The following KALRN variants were observed in gnomAD, a reference collection of about 807,000 sequenced individuals.
The protein encoded by KALRN is kalirin RhoGEF kinase.
Under a neutral mutation model 353.7 loss-of-function variants are expected in KALRN, and 70 were observed. The ratio of observed to expected loss-of-function variants is 0.20; its 90% CI spans 0.16 to 0.24. KALRN has a LOEUF of 0.24. Ranked by LOEUF, KALRN falls within the 10% of genes least tolerant of loss-of-function variation. KALRN has a pLI of 1.00. For missense variants in KALRN, 2,791 were observed against 3,756.7 expected, an observed-to-expected ratio of 0.74 and a Z score of 6.72; for synonymous variants, 1,391 against 1,434.8, an observed-to-expected ratio of 0.97 and a Z score of 0.69.
chr3:124,276,551 C>G (rs1021486908), intron 5 of KALRN, among the ~76,000 whole-genome samples: 1 of 152,212 alleles, frequency 6.6e-6, no homozygotes, highest in Non-Finnish European at 1.5e-5. Context: ...CTTCCCCACA[C>G]CTCCAACACC....
intron 8 of KALRN, among the ~76,000 whole-genome samples, chr3:124,332,059 G>A (rs2080621480): frequency 6.6e-6 from 1 of 152,092 alleles, no homozygotes; most frequent in African/African-American, 2.4e-5. Flanking sequence ...TGTCTCTGGT[G>A]GGCATCACCT....
At chr3:124,136,327 A>G (rs182190464) in intron 1 of KALRN, among the ~76,000 whole-genome samples, 60 of 152,272 alleles carry the variant, frequency 3.9e-4, no homozygotes, top group Middle Eastern at 6.8e-3. Context: ...TTTCTGATTC[A>G]GCAGGTCTAC....
chr3:124,490,622 AG>A (rs1319198353), intron 29 of KALRN, 71 bp from the exon 30 acceptor site: 101 of 1,415,536 alleles, frequency 7.1e-5, no homozygotes, highest in Non-Finnish European at 9.4e-5. Flanking sequence ...TTTCTCCAAG[AG>A]GGGGGTGGAA....
chr3:124,541,913 A>ATT (rs35813839), intron 33 of KALRN, among the ~76,000 whole-genome samples: 80,734 of 150,784 alleles, frequency 0.54, 22,762 homozygotes, highest in African/African-American at 0.71. Flanking sequence ...AGCCCAGATC[A>ATT]TTTTTTTGCC....
At chr3:124,692,629 G>A (rs2061870482) in intron 51 of KALRN, among the ~76,000 whole-genome samples, 1 of 152,220 alleles carries the variant, frequency 6.6e-6, no homozygotes, top group African/African-American at 2.4e-5. Context: ...TTAGCAGAAG[G>A]AAGATGATTA....
intron 33 of KALRN, among the ~76,000 whole-genome samples, chr3:124,544,894 T>C (rs2069454246): frequency 6.6e-6 from 1 of 152,208 alleles, no homozygotes; most frequent in Admixed American, 6.5e-5. Flanking sequence ...AGATGTGGAC[T>C]GGAGGGTAGG....
intron 25 of KALRN, among the ~76,000 whole-genome samples, chr3:124,468,474 C>T (rs1017128716): frequency 1.2e-4 from 19 of 152,292 alleles, no homozygotes; most frequent in Admixed American, 4.6e-4. Flanking sequence ...TCCCTCTTTG[C>T]CCCTCCTACC....
intron 33 of KALRN, among the ~76,000 whole-genome samples, chr3:124,528,540 G>A (rs2067781040): frequency 6.6e-6 from 1 of 152,172 alleles, no homozygotes; most frequent in Non-Finnish European, 1.5e-5. Flanking sequence ...CTGCCTCAGT[G>A]TGCCCTCAAG....
chr3:124,724,138 T>G lies in KALRN; in HGVS notation c.*4668T>G, dbSNP rs1278050494. Reference sequence around the variant, plus strand: ...TTAGGCATTACTTTTTTCTTGCCTCTGTGGAAGAGCATGGCAATTTAGATT... The same window carrying G: ...TTAGGCATTACTTTTTTCTTGCCTCGGTGGAAGAGCATGGCAATTTAGATT... On this transcript the variant is annotated 3_prime_UTR_variant, in exon 60 of 60. Coordinates refer to ENST00000682506, the MANE Select transcript of KALRN (RefSeq NM_001388419.1). 6.6e-6 allele frequency: 1 copy of G among 152,120 alleles called. No individual in the cohort carries two copies. The highest frequency in any genetic ancestry group is 2.4e-5 in the African/African-American group (1 of 41,424). 9.4% of individuals were successfully genotyped at this position (152,120 alleles called of 1,614,324 possible). A position where few individuals can be genotyped will look rare whatever the true frequency, so the allele number is the denominator to read the frequency against.
rs1267010900 is a variant in KALRN at position 124,242,226 on chromosome 3, AG to A, written c.263+7284del. Reference sequence around the variant, plus strand: ...AATAATGTGGCTTAAAGACAGTAAAAGTAACAACTAGCATTTATTAATCAAT... The same window carrying A: ...AATAATGTGGCTTAAAGACAGTAAAATAACAACTAGCATTTATTAATCAAT... On this transcript the variant is annotated intron_variant, in intron 3 of 59. Transcript: ENST00000682506. 9.9e-5 allele frequency among the ~76,000 whole-genome samples: 15 copies of A among 152,212 alleles called. No homozygotes were observed. The East Asian group carries it at 2.5e-3, about 25-fold the overall frequency.
intron 33 of KALRN, among the ~76,000 whole-genome samples, chr3:124,534,376 C>T (rs865819222): frequency 5.9e-5 from 9 of 151,924 alleles, no homozygotes; most frequent in East Asian, 3.9e-4. Flanking sequence ...CCAGTGGGGA[C>T]GTGGGGGGCC....
chr3:124,334,534 A>G lies in KALRN; in HGVS notation c.1647+39A>G. 6.8e-7 allele frequency: 1 copy of G among 1,476,352 alleles called. No homozygotes were observed. The highest frequency in any genetic ancestry group is 1.2e-5 in the South Asian group (1 of 84,914). 91.5% of individuals were successfully genotyped at this position (1,476,352 alleles called of 1,614,324 possible). On this transcript the variant is annotated intron_variant, in intron 9 of 59. Transcript: ENST00000682506. This position sits in a 1 kb window ranked among gnomAD's most constrained non-coding sequence, Gnocchi z 4.2. ...AGCCCCGGTGTCCATTATCCATTCT[A>G]GGAGGCAGACCGAGCTCAAGTCCCT... is the stretch of plus-strand genomic sequence containing the variant.
intron 1 of KALRN, among the ~76,000 whole-genome samples, chr3:124,189,466 A>G (rs1012420630): frequency 6.6e-6 from 1 of 152,194 alleles, no homozygotes; most frequent in Admixed American, 6.6e-5. Context: ...CTGACCATCA[A>G]TTCTTGACTC....
At chr3:124,692,086 T>TA (rs896895870) in intron 51 of KALRN, among the ~76,000 whole-genome samples, 6 of 152,150 alleles carry the variant, frequency 3.9e-5, no homozygotes, top group African/African-American at 1.4e-4. Flanking sequence ...TTTAGAGAGT[T>TA]AAAAAAAATC....
chr3:124,540,214 C>A (rs1005590517), intron 33 of KALRN, among the ~76,000 whole-genome samples: 7 of 152,026 alleles, frequency 4.6e-5, no homozygotes, highest in African/African-American at 1.7e-4. Context: ...CCACTGCACC[C>A]GGCCACATTT....
intron 33 of KALRN, among the ~76,000 whole-genome samples, chr3:124,500,772 C>T (rs2064424969): frequency 6.6e-6 from 1 of 152,214 alleles, no homozygotes; most frequent in Admixed American, 6.5e-5. Context: ...CTGAGCCCAC[C>T]TTCCCTATTC....
At chr3:124,679,769 C>G (rs1203875654) in intron 51 of KALRN, 2 of 548,482 alleles carry the variant, frequency 3.6e-6, no homozygotes, top group East Asian at 6.5e-5. Context: ...AATATTTTCT[C>G]CTTTGGCAGG....
At chr3:124,151,356 C>G (rs543247759) in intron 1 of KALRN, among the ~76,000 whole-genome samples, 26 of 152,314 alleles carry the variant, frequency 1.7e-4, no homozygotes, top group Middle Eastern at 6.8e-3. Context: ...TATTATTTGT[C>G]TTTTCCATTT....
intron 45 of KALRN, among the ~76,000 whole-genome samples, chr3:124,662,830 T>G (rs979226153): frequency 2.0e-5 from 3 of 152,202 alleles, no homozygotes; most frequent in Non-Finnish European, 2.9e-5. Flanking sequence ...GTCAGGTACC[T>G]CCTGAGAGCT....
Sources: allele counts gnomAD v4.1 joint callset (sites outside exome capture counted in the v4.1 genomes callset), GRCh38; gene constraint gnomAD v4.1.1; non-coding constraint Gnocchi (gnomAD v3.1); transcripts MANE v1.5; gene names NCBI Gene and HGNC (gene_info 2026-07-23, HGNC 2026-07-21).